TMEM178B: variants seen among roughly 807,000 people sequenced by gnomAD.
TMEM178B encodes transmembrane protein 178B.
Under a neutral mutation model 31.0 loss-of-function variants are expected in TMEM178B, and 5 were observed. The observed-to-expected ratio is 0.16, with a 90% confidence interval of 0.08 to 0.34. TMEM178B has a LOEUF of 0.34. Ranked by LOEUF, TMEM178B falls within the 10% of genes least tolerant of loss-of-function variation. The pLI, the probability that TMEM178B is intolerant of heterozygous loss-of-function variation, is 1.00. For synonymous variants in TMEM178B, 164 were observed against 164.0 expected (o/e 1.00, Z 0.00); for missense variants, 275 against 400.3 (o/e 0.69, Z 2.67).
intron 2 of TMEM178B, among the ~76,000 whole-genome samples, chr7:141,246,040 T>A (rs947681956): frequency 2.0e-5 from 3 of 152,220 alleles, no homozygotes; most frequent in African/African-American, 7.2e-5. Flanking sequence ...TGTAAATTTT[T>A]AAGATTTCTA....
intron 2 of TMEM178B, among the ~76,000 whole-genome samples, chr7:141,310,819 A>G (rs1798895847): frequency 6.6e-6 from 1 of 152,244 alleles, no homozygotes; most frequent in Non-Finnish European, 1.5e-5. Context: ...AAAGGAATAT[A>G]AATCATTCTA....
At chr7:141,448,282 C>A (rs1801798595) in intron 3 of TMEM178B, among the ~76,000 whole-genome samples, 1 of 152,046 alleles carries the variant, frequency 6.6e-6, no homozygotes, top group Admixed American at 6.5e-5. Flanking sequence ...GGAGTAAGAT[C>A]AGAATTTATT....
chr7:141,158,614 C>T (rs1281208970), intron 1 of TMEM178B, among the ~76,000 whole-genome samples: 2 of 152,200 alleles, frequency 1.3e-5, no homozygotes, highest in African/African-American at 2.4e-5. Flanking sequence ...GAACAAGACT[C>T]CCAGGGACTT....
chr7:141,237,027 A>G (rs1318569082), intron 2 of TMEM178B, among the ~76,000 whole-genome samples: 1 of 152,272 alleles, frequency 6.6e-6, no homozygotes, highest in Non-Finnish European at 1.5e-5. Flanking sequence ...TCTAACAAAC[A>G]TGAAAAGTAT....
chr7:141,236,524 C>T (rs1328529552), intron 2 of TMEM178B, among the ~76,000 whole-genome samples: 4 of 152,198 alleles, frequency 2.6e-5, no homozygotes, highest in Non-Finnish European at 5.9e-5. Flanking sequence ...AAACCACCTG[C>T]CTGCAGCCTC....
At chr7:141,260,914 A>T (rs1798002630) in intron 2 of TMEM178B, among the ~76,000 whole-genome samples, 1 of 152,354 alleles carries the variant, frequency 6.6e-6, no homozygotes, top group South Asian at 2.1e-4. Flanking sequence ...AAAATTACAG[A>T]AATATTATAG....
chr7:141,245,178 A>AC, intron 2 of TMEM178B, among the ~76,000 whole-genome samples: 2 of 101,828 alleles, frequency 2.0e-5, no homozygotes. Flanking sequence ...ACCAAAAAAA[A>AC]AAAAAAAAAA....
chr7:141,328,992 G>A (rs1207686154), intron 2 of TMEM178B, among the ~76,000 whole-genome samples: 1 of 152,020 alleles, frequency 6.6e-6, no homozygotes, highest in Non-Finnish European at 1.5e-5. Flanking sequence ...TTCCTGATTG[G>A]CCTTCTTTAT....
At chr7:141,241,543 T>C (rs1403572202) in intron 2 of TMEM178B, among the ~76,000 whole-genome samples, 2 of 132,416 alleles carry the variant, frequency 1.5e-5, no homozygotes, top group African/African-American at 2.9e-5. Context: ...TGATCTGAGA[T>C]CCCGCTGTTG....
chr7:141,418,905 T>TTTTATTTA (rs35079793), intron 2 of TMEM178B, among the ~76,000 whole-genome samples: 21 of 150,872 alleles, frequency 1.4e-4, no homozygotes, highest in Non-Finnish European at 2.5e-4. Flanking sequence ...TCCATGCTAT[T>TTTTATTTA]TTTATTTATT....
At chr7:141,348,787 A>G (rs1181924197) in intron 2 of TMEM178B, among the ~76,000 whole-genome samples, 1 of 152,212 alleles carries the variant, frequency 6.6e-6, no homozygotes, top group Non-Finnish European at 1.5e-5. Context: ...GAAAAAGGAT[A>G]TCTTTAGTCT....
intron 2 of TMEM178B, among the ~76,000 whole-genome samples, chr7:141,250,736 A>T (rs1249279410): frequency 6.6e-6 from 1 of 152,164 alleles, no homozygotes; most frequent in Non-Finnish European, 1.5e-5. Flanking sequence ...CCTTCCCAAG[A>T]TGCACTAAAT....
chr7:141,196,202 A>G (rs1044646563), intron 1 of TMEM178B, among the ~76,000 whole-genome samples: 1 of 152,184 alleles, frequency 6.6e-6, no homozygotes, highest in African/African-American at 2.4e-5. Flanking sequence ...ATAATATTCT[A>G]TCATGTGAAT....
chr7:141,117,323 G>A (rs978404693), intron 1 of TMEM178B, among the ~76,000 whole-genome samples: 9 of 152,126 alleles, frequency 5.9e-5, no homozygotes, highest in Non-Finnish European at 1.3e-4. Flanking sequence ...CTTTTGAGAA[G>A]TGTCTGTTCA....
intron 1 of TMEM178B, among the ~76,000 whole-genome samples, chr7:141,166,512 T>C (rs1331893387): frequency 6.6e-6 from 1 of 152,166 alleles, no homozygotes; most frequent in Non-Finnish European, 1.5e-5. Context: ...GAAACTGCCA[T>C]AAGAGATGGG....
chr7:141,182,662 G>C (rs1385644187), intron 1 of TMEM178B, among the ~76,000 whole-genome samples: 1 of 152,112 alleles, frequency 6.6e-6, no homozygotes, highest in Non-Finnish European at 1.5e-5. Flanking sequence ...ACCTTGAACT[G>C]TAGTAATCCC....
At chr7:141,404,413 C>T (rs1204761203) in intron 2 of TMEM178B, among the ~76,000 whole-genome samples, 3 of 152,196 alleles carry the variant, frequency 2.0e-5, no homozygotes, top group African/African-American at 7.2e-5. Context: ...AAGCCGTGCT[C>T]TCCCCGAAGG....
At chr7:141,496,924 G>A in the TMEM178B span, among the ~76,000 whole-genome samples, 2 of 152,092 alleles carry the variant, frequency 1.3e-5, no homozygotes, top group South Asian at 4.2e-4. Context: ...GGTGGTAGTG[G>A]TTCAGACTCC....
intron 1 of TMEM178B, among the ~76,000 whole-genome samples, chr7:141,156,377 G>A (rs1199545575): frequency 1.3e-5 from 2 of 152,198 alleles, no homozygotes; most frequent in African/African-American, 4.8e-5. Flanking sequence ...AGGCAGTGTT[G>A]AGGCTGACTT....
Sources: allele counts gnomAD v4.1 joint callset (sites outside exome capture counted in the v4.1 genomes callset), GRCh38; gene constraint gnomAD v4.1.1; transcripts MANE v1.5; gene names NCBI Gene and HGNC (gene_info 2026-07-23, HGNC 2026-07-21).